Variants in ZNF385D observed in about 807,000 individuals in gnomAD.
ZNF385D encodes zinc finger protein 385D, also known as zinc finger protein 659.
In ZNF385D, 15 loss-of-function variants were observed where a neutral mutation model predicts 35.8. The ratio of observed to expected loss-of-function variants is 0.42; its 90% confidence interval spans 0.28 to 0.64. ZNF385D has a LOEUF of 0.64. Among genes scored for constraint, ZNF385D ranks in the 30% least tolerant of loss-of-function variants. The pLI, the probability that ZNF385D is intolerant of heterozygous loss-of-function variation, is 0.23. For synonymous variants in ZNF385D, 212 were observed against 186.8 expected, an observed-to-expected ratio of 1.13 and a Z score of -1.10; for missense variants, 474 against 494.6, an observed-to-expected ratio of 0.96 and a Z score of 0.39.
intron 2 of ZNF385D, among the ~76,000 whole-genome samples, chr3:22,212,934 G>A (rs1458029539): frequency 6.6e-6 from 1 of 151,960 alleles, no homozygotes; most frequent in Admixed American, 6.6e-5. Context: ...AAAATCAATT[G>A]TATTAATTTA....
intron 2 of ZNF385D, among the ~76,000 whole-genome samples, chr3:22,345,336 A>T (rs1480743915): frequency 6.6e-6 from 1 of 152,222 alleles, no homozygotes; most frequent in African/African-American, 2.4e-5. Context: ...TGACACTTCA[A>T]AAATAAATGA....
At chr3:21,487,771 T>C (rs571698586) in intron 4 of ZNF385D, among the ~76,000 whole-genome samples, 17 of 152,202 alleles carry the variant, frequency 1.1e-4, no homozygotes, top group African/African-American at 4.1e-4. Flanking sequence ...ATGTGTAACT[T>C]TGGGCAAGTA....
At chr3:22,166,994 G>A (rs1467248124) in intron 3 of ZNF385D, among the ~76,000 whole-genome samples, 2 of 152,230 alleles carry the variant, frequency 1.3e-5, no homozygotes, top group Non-Finnish European at 2.9e-5. Context: ...TCTAAGTAGA[G>A]ACTGAAATAT....
At chr3:21,602,657 C>A (rs967499087) in intron 2 of ZNF385D, among the ~76,000 whole-genome samples, 6 of 150,116 alleles carry the variant, frequency 4.0e-5, no homozygotes, top group Non-Finnish European at 7.4e-5. Context: ...CTCAGCCTCC[C>A]GAGTAGCTGG....
intron 3 of ZNF385D, among the ~76,000 whole-genome samples, chr3:21,944,310 C>A (rs142468872): frequency 1.3e-5 from 2 of 152,246 alleles, no homozygotes; most frequent in Admixed American, 1.3e-4. Flanking sequence ...CTTGTTTTAC[C>A]AGAGGCTGTT....
intron 3 of ZNF385D, among the ~76,000 whole-genome samples, chr3:22,097,384 G>A (rs1373190917): frequency 6.6e-6 from 1 of 151,994 alleles, no homozygotes; most frequent in Non-Finnish European, 1.5e-5. Context: ...GGGAGTATTA[G>A]TGGGAGTCTA....
intron 1 of ZNF385D, among the ~76,000 whole-genome samples, chr3:21,741,019 G>A (rs2125522810): frequency 6.6e-6 from 1 of 152,156 alleles, no homozygotes; most frequent in African/African-American, 2.4e-5. Flanking sequence ...GGCTGGTGGT[G>A]AGGTGCCAAT....
At chr3:21,472,801 T>C (rs573003378) in intron 4 of ZNF385D, among the ~76,000 whole-genome samples, 64 of 152,160 alleles carry the variant, frequency 4.2e-4, no homozygotes, top group African/African-American at 1.5e-3. Flanking sequence ...AATCGAGTTG[T>C]TTCTGTATGC....
At chr3:21,826,821 T>A (rs1218786978) in intron 3 of ZNF385D, among the ~76,000 whole-genome samples, 1 of 138,622 alleles carries the variant, frequency 7.2e-6, no homozygotes. Flanking sequence ...ATCAGAAAAT[T>A]AAAAAAAAAA....
At chr3:21,933,541 A>G (rs1305808521) in intron 3 of ZNF385D, among the ~76,000 whole-genome samples, 1 of 152,202 alleles carries the variant, frequency 6.6e-6, no homozygotes, top group Non-Finnish European at 1.5e-5. Flanking sequence ...AGGTCCCTAG[A>G]TCTGCTTTGT....
intron 1 of ZNF385D, among the ~76,000 whole-genome samples, chr3:21,677,878 C>A (rs374166302): frequency 2.0e-5 from 3 of 151,906 alleles, no homozygotes; most frequent in African/African-American, 7.2e-5. Context: ...TCAACCTATG[C>A]GTACATAGGT....
At chr3:22,310,606 AT>A (rs1703485213) in intron 2 of ZNF385D, among the ~76,000 whole-genome samples, 1 of 151,924 alleles carries the variant, frequency 6.6e-6, no homozygotes, top group South Asian at 2.1e-4. Flanking sequence ...ATCTTTAAAT[AT>A]TTTTATATTT....
At chr3:22,197,186 C>G (rs1475945025) in intron 2 of ZNF385D, among the ~76,000 whole-genome samples, 1 of 151,774 alleles carries the variant, frequency 6.6e-6, no homozygotes. Flanking sequence ...TGAATTTATT[C>G]TGCTTGGTGT....
At chr3:21,888,573 G>C (rs1698675303) in intron 3 of ZNF385D, among the ~76,000 whole-genome samples, 2 of 152,108 alleles carry the variant, frequency 1.3e-5, no homozygotes, top group African/African-American at 2.4e-5. Flanking sequence ...TTTCAGTGTT[G>C]CTGCGGAAAC....
At chr3:22,182,839 T>C (rs1176996688) in intron 2 of ZNF385D, among the ~76,000 whole-genome samples, 2 of 152,104 alleles carry the variant, frequency 1.3e-5, no homozygotes, top group Admixed American at 6.6e-5. Context: ...ATTATACATA[T>C]ACAATAGAGA....
At chr3:21,794,155 A>C (rs946094986) in intron 3 of ZNF385D, among the ~76,000 whole-genome samples, 1 of 152,126 alleles carries the variant, frequency 6.6e-6, no homozygotes, top group Non-Finnish European at 1.5e-5. Context: ...GTGACCAAGG[A>C]AGGCACCTGA....
rs1700520612 is a variant in ZNF385D, at chr3:21,413,511, T to C, written c.*7703A>G. ...AAAATCAAATTCACCATGTCAACTG[T>C]ACCTCCCTCCAATGCTTGTGGTAAT... is the stretch of plus-strand genomic sequence containing the variant. On this transcript the variant is annotated 3_prime_UTR_variant, in exon 8 of 8. Coordinates refer to ENST00000281523, the MANE Select transcript of ZNF385D (RefSeq NM_024697.3). 1 of 152,138 alleles carries C rather than the reference T, an allele frequency of 6.6e-6. No individual in the cohort carries two copies. The highest frequency in any genetic ancestry group is 1.5e-5 in the Non-Finnish European group (1 of 67,996). 9.4% of individuals were successfully genotyped at this position (152,138 alleles called of 1,614,324 possible). A position where few individuals can be genotyped will look rare whatever the true frequency, so the allele number is the denominator to read the frequency against.
chr3:21,697,610 C>T (rs1001316767), intron 1 of ZNF385D, among the ~76,000 whole-genome samples: 2 of 151,978 alleles, frequency 1.3e-5, no homozygotes, highest in Non-Finnish European at 2.9e-5. Context: ...ACAAATGGGA[C>T]TTAATTAAAC....
chr3:21,871,384 C>T (rs1697683163), intron 3 of ZNF385D, among the ~76,000 whole-genome samples: 1 of 152,114 alleles, frequency 6.6e-6, no homozygotes, highest in African/African-American at 2.4e-5. Flanking sequence ...CTTGCAACTA[C>T]CCGAAATATT....
Sources: allele counts gnomAD v4.1 joint callset (sites outside exome capture counted in the v4.1 genomes callset), GRCh38; gene constraint gnomAD v4.1.1; transcripts MANE v1.5; gene names NCBI Gene and HGNC (gene_info 2026-07-23, HGNC 2026-07-21).